The following TTC7A variants were observed in gnomAD, a reference collection of about 807,000 sequenced individuals.
TTC7A encodes the protein tetratricopeptide repeat protein 7A.
A neutral mutation model predicts 103.7 loss-of-function variants in TTC7A; 110 were observed. That is an observed-to-expected ratio of 1.06 (90% CI 0.91 to 1.24). The LOEUF (loss-of-function observed/expected upper bound fraction) is 1.24, where lower values mean the gene tolerates loss of function less well. TTC7A is among the 50% of genes most tolerant of loss of function. The pLI, the probability that TTC7A is intolerant of heterozygous loss-of-function variation, is 0.00. For synonymous variants in TTC7A, 521 were observed against 467.9 expected (o/e 1.11, Z -1.47); for missense variants, 1,340 against 1,116.3 (o/e 1.20, Z -2.86).
chr2:46,950,476 A>C lies in TTC7A; in HGVS notation c.298A>C (p.Ser100Arg). Residue 100 changes from serine to arginine, a missense_variant, in exon 2 of 20, where the codon AGC (serine) becomes CGC (arginine). Ser to Arg is a moderately radical substitution (Grantham distance 110, BLOSUM62 -1). Coordinates refer to ENST00000319190, the MANE Select transcript of TTC7A (RefSeq NM_020458.4). ...PLLEKNEPKM[S>R]EAKNYLSSIL... ...GCTGGAGAAGAATGAGCCGAAGATG[A>C]GCGAAGCCAAAAATTATCTAAGCAG... is the stretch of plus-strand genomic sequence containing the variant. 2 of 1,614,168 alleles carry C rather than the reference A, an allele frequency of 1.2e-6. No homozygotes were observed. The highest frequency in any genetic ancestry group is 1.7e-6 in the Non-Finnish European group (2 of 1,180,032).
chr2:46,978,884 C>T lies in TTC7A; in HGVS notation c.741C>T (p.Ala247=), dbSNP rs1674144734. 1 of 1,614,082 alleles carries T rather than the reference C, an allele frequency of 6.2e-7. No homozygotes were observed. The highest frequency in any genetic ancestry group is 8.5e-7 in the Non-Finnish European group (1 of 1,179,952). ...TCCTGGAAGCTGCCCTCCAGAGCGC[C>T]TATGTGAAAAACCTGAAGAAGGGGT... ...TYFLEAALQS[A]YVKNLKKGNI... The change falls in exon 5 of 20, where the codon GCC becomes GCT. Residue 247 remains alanine, a synonymous_variant. Coordinates refer to ENST00000319190, the MANE Select transcript of TTC7A (RefSeq NM_020458.4).
intron 18 of TTC7A, chr2:47,054,187 T>C: frequency 2.0e-6 from 2 of 985,344 alleles, no homozygotes; most frequent in Non-Finnish European, 2.4e-6. Context: ...GAGACCAGTT[T>C]GGGTGCATGT....
intron 3 of TTC7A, 67 bp from the exon 4 acceptor site, chr2:46,974,906 C>T: frequency 6.3e-7 from 1 of 1,584,980 alleles, no homozygotes; most frequent in South Asian, 1.1e-5. Context: ...ACCTTCGGCC[C>T]ATGGGGAGGG....
At chr2:46,924,535 T>C (rs768403011) in intron 2 of TTC7A, among the ~76,000 whole-genome samples, 1 of 152,056 alleles carries the variant, frequency 6.6e-6, no homozygotes, top group East Asian at 1.9e-4. Flanking sequence ...GTGTTTTGAA[T>C]AGAATATGAG....
chr2:47,031,687 G>C (rs1680557796), intron 15 of TTC7A, among the ~76,000 whole-genome samples: 1 of 152,226 alleles, frequency 6.6e-6, no homozygotes, highest in Non-Finnish European at 1.5e-5. Context: ...ATTTGTACCT[G>C]CCCAGTTCCA....
intron 2 of TTC7A, among the ~76,000 whole-genome samples, chr2:46,927,650 G>A (rs1035180903): frequency 3.3e-5 from 5 of 151,572 alleles, no homozygotes; most frequent in Non-Finnish European, 5.9e-5. Context: ...ATGAGCTACC[G>A]CGCCCGGCAA....
intron 15 of TTC7A, among the ~76,000 whole-genome samples, chr2:47,046,068 T>C (rs1444409023): frequency 1.3e-5 from 2 of 152,194 alleles, no homozygotes; most frequent in African/African-American, 4.8e-5. Context: ...ACACGGGGCA[T>C]CAGCAGTGTG....
intron 2 of TTC7A, among the ~76,000 whole-genome samples, chr2:46,934,786 TC>T (rs1476990601): frequency 1.2e-5 from 1 of 81,512 alleles, no homozygotes; most frequent in Non-Finnish European, 2.3e-5. Flanking sequence ...AGACTACTGC[TC>T]TTTTTTTTTT....
At chr2:46,945,596 G>A (rs902176582) in intron 1 of TTC7A, among the ~76,000 whole-genome samples, 4 of 151,882 alleles carry the variant, frequency 2.6e-5, no homozygotes, top group Non-Finnish European at 5.9e-5. Flanking sequence ...TCACTATGTG[G>A]TCCAGTCTGA....
chr2:47,009,903 T>TTTGTG (rs1677848751), intron 10 of TTC7A, among the ~76,000 whole-genome samples: 1 of 56,584 alleles, frequency 1.8e-5, no homozygotes, highest in African/African-American at 5.8e-5. Context: ...TTTTTTTTTT[T>TTTGTG]GGTGGTGGGG....
In TTC7A at chr2:47,010,702, G is replaced by A. The variant is rs189403684; in HGVS notation, c.1288-629G>A. Among the ~76,000 whole-genome samples, 624 of 152,168 alleles carry A rather than the reference G, an allele frequency of 4.1e-3. 5 individuals carry two copies. The highest frequency in any genetic ancestry group is 0.014 in the African/African-American group (567 of 41,508). The stretch of plus-strand genomic sequence containing the variant: ...CTCCAGAGTCCTTATTTATTTGTTT[G>A]TTTGTTTGTTTGTTTGAGACACAGT... On this transcript the variant is annotated intron_variant, in intron 10 of 19. Coordinates refer to ENST00000319190, the MANE Select transcript of TTC7A (RefSeq NM_020458.4).
intron 19 of TTC7A, among the ~76,000 whole-genome samples, chr2:47,066,450 T>C (rs1350892255): frequency 6.6e-6 from 1 of 152,024 alleles, no homozygotes; most frequent in Non-Finnish European, 1.5e-5. Flanking sequence ...CCTTTTTAGG[T>C]GCTCTGGGAC....
chr2:47,018,482 G>A (rs1572923504), intron 11 of TTC7A, among the ~76,000 whole-genome samples: 1 of 151,306 alleles, frequency 6.6e-6, no homozygotes, highest in African/African-American at 2.4e-5. Context: ...TACTTGGGAG[G>A]CTGAGGCAGG....
chr2:47,016,706 A>G (rs1481639769), intron 11 of TTC7A, among the ~76,000 whole-genome samples: 1 of 152,248 alleles, frequency 6.6e-6, no homozygotes, highest in Non-Finnish European at 1.5e-5. Flanking sequence ...AGCCTGGACT[A>G]CAGAGCCACC....
chr2:47,011,199 TG>T, intron 10 of TTC7A, 131 bp from the exon 11 acceptor site: 1 of 758,246 alleles, frequency 1.3e-6, no homozygotes, highest in Non-Finnish European at 2.1e-6. Flanking sequence ...TTCTCTGCCC[TG>T]GACCTCTTCC....
chr2:47,032,230 G>A (rs949808309), intron 15 of TTC7A, among the ~76,000 whole-genome samples: 2 of 152,200 alleles, frequency 1.3e-5, no homozygotes, highest in Admixed American at 6.5e-5. Flanking sequence ...ATGACATTTT[G>A]TGCATGTGAG....
At chr2:46,958,072 G>A (rs533085346) in intron 3 of TTC7A, among the ~76,000 whole-genome samples, 45 of 152,278 alleles carry the variant, frequency 3.0e-4, no homozygotes, top group African/African-American at 1.0e-3. Flanking sequence ...AGTCCTCCAA[G>A]GCCCTGCAAC....
chr2:46,939,124 T>A (rs1670126349), upstream of TTC7A, among the ~76,000 whole-genome samples: 2 of 151,500 alleles, frequency 1.3e-5, no homozygotes, highest in African/African-American at 4.9e-5. Context: ...AACAAAATAA[T>A]AAATTAAAAA....
intron 15 of TTC7A, 59 bp from the exon 16 acceptor site, chr2:47,046,256 C>A (rs1243432568): frequency 2.9e-6 from 4 of 1,372,010 alleles, no homozygotes; most frequent in Non-Finnish European, 4.1e-6. Flanking sequence ...GGGGCAGGAT[C>A]CCCAGGTGAA....
Sources: gnomAD v4.1 joint callset for allele counts (sites outside exome capture counted in the v4.1 genomes callset) on GRCh38, gnomAD v4.1.1 for gene constraint, MANE v1.5 for transcripts, NCBI Gene and HGNC (gene_info 2026-07-23, HGNC 2026-07-21) for gene names.